Variants in FOXJ3 observed in about 807,000 individuals in gnomAD.
FOXJ3 encodes forkhead box J3, also known as forkhead box protein J3.
Under a neutral mutation model 76.1 loss-of-function variants are expected in FOXJ3, and 22 were observed. That is an observed-to-expected ratio of 0.29 (90% CI 0.21 to 0.41). The LOEUF (loss-of-function observed/expected upper bound fraction) is 0.41. Among genes scored for constraint, FOXJ3 ranks in the 10% least tolerant of loss-of-function variants. FOXJ3 has a pLI of 1.00. For synonymous variants in FOXJ3, 269 were observed against 261.2 expected (o/e 1.03, Z -0.29); for missense variants, 613 against 762.1 (o/e 0.80, Z 2.30).
At chr1:42,319,701 A>C (rs1230889899) in intron 1 of FOXJ3, among the ~76,000 whole-genome samples, 1 of 152,200 alleles carries the variant, frequency 6.6e-6, no homozygotes, top group Non-Finnish European at 1.5e-5. Context: ...GAAAAAAAAT[A>C]AGTTCAGAAC....
At chr1:42,315,058 C>T (rs1006036427) in intron 1 of FOXJ3, among the ~76,000 whole-genome samples, 1 of 152,190 alleles carries the variant, frequency 6.6e-6, no homozygotes, top group South Asian at 2.1e-4. Context: ...CCTTGAAAGC[C>T]TCATGCTAAG....
At chr1:42,241,949 C>T (rs923353931) in intron 4 of FOXJ3, among the ~76,000 whole-genome samples, 1 of 152,200 alleles carries the variant, frequency 6.6e-6, no homozygotes, top group African/African-American at 2.4e-5. Flanking sequence ...ACAGCCTCGC[C>T]ACAGCCTCCA....
At chr1:42,304,439 AC>A (rs1654339270) in intron 2 of FOXJ3, among the ~76,000 whole-genome samples, 2 of 152,156 alleles carry the variant, frequency 1.3e-5, no homozygotes, top group Non-Finnish European at 2.9e-5. Flanking sequence ...GACTCAGAAT[AC>A]CCAAAGCTAT....
chr1:42,326,079 C>T (rs184340882), intron 1 of FOXJ3, among the ~76,000 whole-genome samples: 48 of 152,178 alleles, frequency 3.2e-4, no homozygotes, highest in African/African-American at 1.2e-3. Context: ...GGTGAAACCT[C>T]GTCCCTACTA....
chr1:42,237,409 T>TATATATATATATACATACATACATAC (rs1648749834), intron 4 of FOXJ3, among the ~76,000 whole-genome samples: 1 of 19,588 alleles, frequency 5.1e-5, no homozygotes, highest in African/African-American at 9.6e-5. Context: ...TACATACATA[T>TATATATATATATACATACATACATAC]ATATATATAT....
intron 3 of FOXJ3, among the ~76,000 whole-genome samples, chr1:42,268,184 C>A (rs576496964): frequency 1.4e-4 from 21 of 150,520 alleles, no homozygotes; most frequent in East Asian, 9.7e-4. Flanking sequence ...GGCTAAAAAT[C>A]AAAAAAAAGA....
intron 4 of FOXJ3, among the ~76,000 whole-genome samples, chr1:42,235,181 T>C (rs764556391): frequency 1.8e-4 from 28 of 152,190 alleles, no homozygotes; most frequent in Non-Finnish European, 3.2e-4. Flanking sequence ...CAAGGCTCCG[T>C]GGGCGTAGGA....
intron 5 of FOXJ3, among the ~76,000 whole-genome samples, chr1:42,219,315 T>C (rs1158302306): frequency 6.6e-6 from 1 of 152,246 alleles, no homozygotes; most frequent in Non-Finnish European, 1.5e-5. Flanking sequence ...TCAGATTGAC[T>C]GTCGTGGTAT....
Position 42,230,610 on chromosome 1 carries a change from C to T in FOXJ3, c.445-2644G>A, listed in dbSNP as rs142294913. 3.3e-5 allele frequency among the ~76,000 whole-genome samples: 5 copies of T among 152,224 alleles called. No homozygotes were observed. In the East Asian group the frequency reaches 9.7e-4, roughly 29 times the overall value. On this transcript the variant is annotated intron_variant, in intron 4 of 12. Transcript: ENST00000361346. ...CTGTAATCCATCATATGAGGTCAGG[C>T]ATGGAATTTTCCACTAGTGGCATCA... is the stretch of plus-strand genomic sequence containing the variant.
upstream of FOXJ3, chr1:42,335,727 T>C (rs1442266720): frequency 6.6e-6 from 1 of 152,242 alleles, no homozygotes; most frequent in African/African-American, 2.4e-5. Context: ...GCCTTGGACC[T>C]TCAGGACACC....
In FOXJ3 at chr1:42,179,477, A is replaced by T. The variant is rs974982619; in HGVS notation, c.*233T>A. On this transcript the variant is annotated 3_prime_UTR_variant, in exon 13 of 13. Transcript: ENST00000361346. Reference sequence around the variant, plus strand: ...CAAAAAGCCGTCCAAATCACACAACAGTTAGGAGCTACATAGGGCAGCTGG... The same window carrying T: ...CAAAAAGCCGTCCAAATCACACAACTGTTAGGAGCTACATAGGGCAGCTGG... 9.6e-6 allele frequency: 3 copies of T among 312,292 alleles called. No individual in the cohort carries two copies. The highest frequency in any genetic ancestry group is 1.8e-5 in the Non-Finnish European group (3 of 168,820). 19.3% of individuals were successfully genotyped at this position (312,292 alleles called of 1,614,324 possible). A position where few individuals can be genotyped will look rare whatever the true frequency, so the allele number is the denominator to read the frequency against.
intron 1 of FOXJ3, among the ~76,000 whole-genome samples, chr1:42,313,888 T>A (rs1054666851): frequency 2.6e-5 from 4 of 152,244 alleles, no homozygotes; most frequent in African/African-American, 9.6e-5. Flanking sequence ...TGCCTGAAGG[T>A]AGATAGATCT....
At chr1:42,185,252 ATTTTTTT>A (rs36007346) in intron 11 of FOXJ3, among the ~76,000 whole-genome samples, 1 of 108,296 alleles carries the variant, frequency 9.2e-6, no homozygotes, top group Non-Finnish European at 1.8e-5. Context: ...AACATACTGA[ATTTTTTT>A]TTTTTTTTTT....
intron 6 of FOXJ3, among the ~76,000 whole-genome samples, chr1:42,202,532 T>C (rs1646782831): frequency 6.6e-6 from 1 of 152,210 alleles, no homozygotes; most frequent in Non-Finnish European, 1.5e-5. Flanking sequence ...GCAGAAATGG[T>C]TAACTATGTG....
intron 6 of FOXJ3, among the ~76,000 whole-genome samples, chr1:42,201,015 C>T (rs1646754393): frequency 6.6e-6 from 1 of 152,076 alleles, no homozygotes; most frequent in African/African-American, 2.4e-5. Flanking sequence ...GTGTAGAGTT[C>T]ATCTTTCATT....
At chr1:42,198,586 G>A (rs1646698900) in intron 7 of FOXJ3, among the ~76,000 whole-genome samples, 1 of 152,128 alleles carries the variant, frequency 6.6e-6, no homozygotes, top group Non-Finnish European at 1.5e-5. Context: ...AATTAGCATA[G>A]GAGCAAGAAT....
At chr1:42,235,568 T>A (rs1224733444) in intron 4 of FOXJ3, among the ~76,000 whole-genome samples, 2 of 139,592 alleles carry the variant, frequency 1.4e-5, no homozygotes, top group Admixed American at 1.5e-4. Flanking sequence ...TTGTGTTTTT[T>A]TGTTTTTTTT....
At chr1:42,298,811 G>C (rs1653952929) in intron 2 of FOXJ3, among the ~76,000 whole-genome samples, 2 of 152,124 alleles carry the variant, frequency 1.3e-5, no homozygotes, top group East Asian at 3.9e-4. Context: ...CACTGTCTTT[G>C]CTGTATCCCA....
intron 5 of FOXJ3, among the ~76,000 whole-genome samples, chr1:42,224,513 C>T (rs1324290636): frequency 6.6e-6 from 1 of 151,734 alleles, no homozygotes; most frequent in Non-Finnish European, 1.5e-5. Flanking sequence ...ATTAGTTGGG[C>T]GTGGTGGTGA....
Sources: gnomAD v4.1 joint callset for allele counts (sites outside exome capture counted in the v4.1 genomes callset) on GRCh38, gnomAD v4.1.1 for gene constraint, MANE v1.5 for transcripts, NCBI Gene and HGNC (gene_info 2026-07-23, HGNC 2026-07-21) for gene names.